Variants in CENPO observed in about 807,000 individuals in gnomAD.
The protein encoded by CENPO is centromeric protein O.
Under a neutral mutation model 36.1 loss-of-function variants are expected in CENPO, and 30 were observed. The observed-to-expected ratio is 0.83, with a 90% CI of 0.62 to 1.13. The LOEUF (loss-of-function observed/expected upper bound fraction) is 1.13. Among genes scored for constraint, CENPO ranks in the 50% most tolerant of loss-of-function variants. CENPO has a pLI of 0.00. For synonymous variants in CENPO, 171 were observed against 142.3 expected (o/e 1.20, Z -1.44); for missense variants, 349 against 357.8 (o/e 0.98, Z 0.20).
chr2:24,818,333 A>AAAAT (rs1327169153), intron 7 of CENPO, among the ~76,000 whole-genome samples: 1 of 152,250 alleles, frequency 6.6e-6, no homozygotes, highest in Non-Finnish European at 1.5e-5. Flanking sequence ...AATAAATGGA[A>AAAAT]AAATAACCCA....
chr2:24,801,179 T>C (rs1194197575), intron 3 of CENPO, among the ~76,000 whole-genome samples: 2 of 152,078 alleles, frequency 1.3e-5, no homozygotes, highest in African/African-American at 4.8e-5. Context: ...GGGTTGTTTG[T>C]TTTTTTCTTG....
chr2:24,794,937 A>G (rs796692094), intron 2 of CENPO, among the ~76,000 whole-genome samples: 11 of 152,318 alleles, frequency 7.2e-5, no homozygotes, highest in East Asian at 1.9e-4. Context: ...TGGTTATCCT[A>G]TTTTTCTCTG....
At chr2:24,804,068 C>T (rs6757723) in intron 3 of CENPO, among the ~76,000 whole-genome samples, 4,481 of 152,246 alleles carry the variant, frequency 0.029, 80 homozygotes, top group East Asian at 0.066. Flanking sequence ...GAATTGATCC[C>T]TTTACCATTA....
chr2:24,803,836 C>CT (rs1172838556), intron 3 of CENPO, among the ~76,000 whole-genome samples: 2 of 152,122 alleles, frequency 1.3e-5, no homozygotes, highest in Non-Finnish European at 2.9e-5. Flanking sequence ...CTGTAGATGT[C>CT]TATTAGGTCC....
At chr2:24,811,901 A>T (rs965288981) in intron 3 of CENPO, among the ~76,000 whole-genome samples, 4 of 152,200 alleles carry the variant, frequency 2.6e-5, no homozygotes, top group Non-Finnish European at 5.9e-5. Flanking sequence ...TGGCAAGTCC[A>T]TGAACTTTTA....
chr2:24,799,587 G>A, intron 2 of CENPO, 88 bp from the exon 3 acceptor site: 4 of 935,218 alleles, frequency 4.3e-6, no homozygotes, highest in African/African-American at 1.7e-5. Flanking sequence ...AAAAAAAAAA[G>A]AGTCACCTGT....
Position 24,814,439 on chromosome 2 carries a change from T to C in CENPO, c.280T>C (p.Leu94=), listed in dbSNP as rs757687803. 1.9e-6 allele frequency: 3 copies of C among 1,608,866 alleles called. No individual in the cohort carries two copies. Among genetic ancestry groups the C allele is most frequent in the Admixed American group, 1.7e-5 (1 of 59,988 alleles). Residue 94 remains leucine (L), a synonymous_variant, in exon 4 of 8, where the codon TTG becomes CTG. Transcript: ENST00000380834. ...AGTGGAGATCAATGAGCAAGAAGCA[T>C]TGGAAGAGAAATTGGAAAATGTGAA... is the stretch of plus-strand genomic sequence containing the variant. The part of the protein sequence containing the change: ...QTVEINEQEA[L]EEKLENVKAI...
rs1667374690 is a variant in CENPO at position 24,820,245 on chromosome 2, C to G, written c.*927C>G. On this transcript the variant is annotated 3_prime_UTR_variant, in exon 8 of 8. Transcript: ENST00000380834. ...AAGCAGTACGGGACACTCCCCAAAC[C>G]TCCCAGGGCCAAGCCCTTCCACCCG... is the stretch of plus-strand genomic sequence containing the variant. The G allele has an allele frequency of 3.3e-6, 4 of 1,198,660 alleles. No individual in the cohort carries two copies. The highest frequency in any genetic ancestry group is 1.9e-5 in the South Asian group (1 of 52,148). The allele number at this position is 1,198,660 out of a possible 1,614,324, so 74.3% of individuals were successfully genotyped here.
At position 24,793,949 on chromosome 2, in the gene CENPO, T is replaced by C. The variant is rs746405912; in HGVS notation, c.30T>C (p.Asp10=). 8.1e-6 allele frequency: 13 copies of C among 1,613,968 alleles called. No homozygotes were observed. The Admixed American group carries it at 2.0e-4, about 25-fold the overall frequency. The change falls in exon 2 of 8, where the codon GAT becomes GAC. Residue 10 remains aspartate (D), a synonymous_variant. Coordinates refer to ENST00000380834, the MANE Select transcript of CENPO (RefSeq NM_001322101.2). ...AGCAGGCGAACCCTTTACGTCCAGA[T>C]GGCGAGTCCAAAGGAGGTATTCAGA... is the stretch of plus-strand genomic sequence containing the variant. The part of the protein sequence containing the change: MEQANPLRP[D]GESKGGVLAH...
In CENPO at chr2:24,820,529, TGTGGATGG is replaced by T; in HGVS notation, c.*1217_*1224del. On this transcript the variant is annotated 3_prime_UTR_variant, in exon 8 of 8. Coordinates refer to ENST00000380834, the MANE Select transcript of CENPO (RefSeq NM_001322101.2). ...GCATCTAGAACTTCAGCCCAGATTTTGTGGATGGGTGGAAGTGTTTCTTCCTGTGCTGA... is the reference window on the plus strand; with the variant it reads ...GCATCTAGAACTTCAGCCCAGATTTTGTGGAAGTGTTTCTTCCTGTGCTGA... 5 of 1,404,392 alleles carry T rather than the reference TGTGGATGG, an allele frequency of 3.6e-6. No homozygotes were observed. Among genetic ancestry groups the T allele is most frequent in the Non-Finnish European group, 4.7e-6 (5 of 1,075,108 alleles). 87.0% of individuals were successfully genotyped at this position (1,404,392 alleles called of 1,614,324 possible).
chr2:24,798,472 A>T (rs1572721213), intron 2 of CENPO, among the ~76,000 whole-genome samples: 2 of 147,702 alleles, frequency 1.4e-5, no homozygotes, highest in South Asian at 2.1e-4. Context: ...TCTCACACAA[A>T]TTTTTTTTTT....
intron 4 of CENPO, 107 bp from the exon 5 acceptor site, chr2:24,815,390 G>T (rs879523023): frequency 8.6e-6 from 7 of 815,906 alleles, no homozygotes; most frequent in South Asian, 1.6e-5. Context: ...AAACATTTGT[G>T]TACAAAGTGT....
chr2:24,802,734 A>G (rs1666213694), intron 3 of CENPO, among the ~76,000 whole-genome samples: 2 of 152,156 alleles, frequency 1.3e-5, no homozygotes, highest in African/African-American at 4.8e-5. Flanking sequence ...GGTTGCCAGT[A>G]TTTTATTGAG....
At chr2:24,795,787 G>GT (rs1558367026) in intron 2 of CENPO, among the ~76,000 whole-genome samples, 2 of 152,146 alleles carry the variant, frequency 1.3e-5, no homozygotes, top group African/African-American at 4.8e-5. Flanking sequence ...TGTAAGCTCC[G>GT]TGAGGACAGG....
In CENPO at chr2:24,814,414, A is replaced by C. The variant is rs1174878268; in HGVS notation, c.255A>C (p.Thr85=). ...TTGCCAATGTAGAACCCAACCAAAC[A>C]GTGGAGATCAATGAGCAAGAAGCAT... ...ACIANVEPNQ[T]VEINEQEALE... Residue 85 remains threonine, a synonymous_variant, in exon 4 of 8, where the codon ACA becomes ACC. Coordinates refer to ENST00000380834, the MANE Select transcript of CENPO (RefSeq NM_001322101.2). The C allele has an allele frequency of 3.1e-6, 5 of 1,604,536 alleles. No homozygotes were observed. In the East Asian group the frequency reaches 8.9e-5, roughly 29 times the overall value.
In CENPO at chr2:24,820,776, G is replaced by A. The variant is rs1318927762; in HGVS notation, c.*1458G>A. 1 of 1,614,104 alleles carries A rather than the reference G, an allele frequency of 6.2e-7. No individual in the cohort carries two copies. The highest frequency in any genetic ancestry group is 1.7e-5 in the Admixed American group (1 of 60,020). Reference sequence around the variant, plus strand: ...CTCCATCCTGCTGGCTACATTGACTGTATTGCCCCAGATGTCGTAGTGTGG... The same window carrying A: ...CTCCATCCTGCTGGCTACATTGACTATATTGCCCCAGATGTCGTAGTGTGG... On this transcript the variant is annotated 3_prime_UTR_variant, in exon 8 of 8. Transcript: ENST00000380834.
At chr2:24,814,879 A>G (rs1666869600) in intron 4 of CENPO, 1 of 185,980 alleles carries the variant, frequency 5.4e-6, no homozygotes, top group Admixed American at 5.4e-5. Context: ...TCTCCCATCT[A>G]TGCCACAAGA....
At chr2:24,810,407 C>T (rs996482950) in intron 3 of CENPO, among the ~76,000 whole-genome samples, 3 of 151,800 alleles carry the variant, frequency 2.0e-5, no homozygotes, top group African/African-American at 7.3e-5. Context: ...TAGTGAGAGC[C>T]CCTCATCTTT....
At chr2:24,818,397 G>GAAAGT (rs1259987468) in intron 7 of CENPO, among the ~76,000 whole-genome samples, 2 of 151,730 alleles carry the variant, frequency 1.3e-5, no homozygotes, top group African/African-American at 4.9e-5. Flanking sequence ...TTTTTAAAAG[G>GAAAGT]AAAGTATTTT....
Sources: allele counts gnomAD v4.1 joint callset (sites outside exome capture counted in the v4.1 genomes callset), GRCh38; gene constraint gnomAD v4.1.1; transcripts MANE v1.5; gene names NCBI Gene and HGNC (gene_info 2026-07-23, HGNC 2026-07-21).